The following HSPA13 variants were observed in gnomAD, a reference collection of about 807,000 sequenced individuals.
HSPA13 encodes heat shock 70 kDa protein 13.
In HSPA13, 29 loss-of-function variants were observed where a neutral mutation model predicts 38.8. The ratio of observed to expected loss-of-function variants is 0.75; its 90% CI spans 0.56 to 1.02. HSPA13 has a LOEUF of 1.02. Ranked by LOEUF, HSPA13 falls within the 50% of genes least tolerant of loss-of-function variation. The pLI is 0.00. For missense variants in HSPA13, 451 were observed against 560.9 expected, an observed-to-expected ratio of 0.80 and a Z score of 1.98; for synonymous variants, 192 against 205.3, an observed-to-expected ratio of 0.94 and a Z score of 0.56.
At chr21:14,382,262 T>G (rs570787690) in intron 1 of HSPA13, among the ~76,000 whole-genome samples, 12 of 152,276 alleles carry the variant, frequency 7.9e-5, no homozygotes, top group Admixed American at 7.8e-4. Flanking sequence ...AAGACAAGTT[T>G]CGTTCACTGT....
chr21:14,374,184 C>T lies in HSPA13; in HGVS notation c.849G>A (p.Glu283=), dbSNP rs1982896567. The change falls in exon 5 of 5, where the codon GAG becomes GAA. Residue 283 remains glutamate (E), a synonymous_variant. Coordinates refer to ENST00000285667, the MANE Select transcript of HSPA13 (RefSeq NM_006948.5). Reference sequence around the variant, plus strand: ...CAGCTTGTCTCAATCTGTGGATTTCCTCTTTCCTAGAGGGCACGAAGCCAT... The same window carrying T: ...CAGCTTGTCTCAATCTGTGGATTTCTTCTTTCCTAGAGGGCACGAAGCCAT... ...QTYGFVPSRK[E]EIHRLRQAVE... The T allele has an allele frequency of 6.2e-7, 1 of 1,613,688 alleles. No homozygotes were observed. The highest frequency in any genetic ancestry group is 8.5e-7 in the Non-Finnish European group (1 of 1,180,004).
At chr21:14,374,514 G>A (rs1285546802) in intron 4 of HSPA13, among the ~76,000 whole-genome samples, 1 of 152,172 alleles carries the variant, frequency 6.6e-6, no homozygotes, top group Non-Finnish European at 1.5e-5. Context: ...AGGGTTGCTT[G>A]AGGCCAGGAG....
chr21:14,381,261 A>G lies in HSPA13; in HGVS notation c.308T>C (p.Ile103Thr). The G allele has an allele frequency of 6.2e-7, 1 of 1,612,652 alleles. No homozygotes were observed. Among genetic ancestry groups the G allele is most frequent in the South Asian group, 1.1e-5 (1 of 91,058 alleles). ...QNTIYDAKRF[I>T]GKIFTAEELE... ...CTCTTCTGCGGTAAAAATCTTGCCT[A>G]TGAATCTTTTGGCATCATATATTGT... is the stretch of plus-strand genomic sequence containing the variant. The change falls in exon 2 of 5, where the codon ATA becomes ACA. Residue 103 changes from isoleucine to threonine, a missense_variant. Transcript: ENST00000285667.
intron 2 of HSPA13, among the ~76,000 whole-genome samples, chr21:14,379,224 T>C (rs780739430): frequency 6.6e-6 from 1 of 152,162 alleles, no homozygotes; most frequent in African/African-American, 2.4e-5. Context: ...CATGAAAACA[T>C]GTATTGTGCA....
intron 4 of HSPA13, 148 bp downstream of exon 4, chr21:14,375,504 T>TTTTG: frequency 2.2e-6 from 1 of 456,126 alleles, no homozygotes; most frequent in Non-Finnish European, 3.8e-6. Flanking sequence ...TTTTTTTTTT[T>TTTTG]TTTTTTTTTA....
chr21:14,379,445 G>A (rs1280102180), intron 2 of HSPA13, among the ~76,000 whole-genome samples: 2 of 152,042 alleles, frequency 1.3e-5, no homozygotes, highest in African/African-American at 4.8e-5. Context: ...ACTAGTCTGG[G>A]GAAAACATAA....
intron 3 of HSPA13, among the ~76,000 whole-genome samples, chr21:14,376,516 G>A (rs1984031913): frequency 1.3e-5 from 2 of 152,212 alleles, no homozygotes. Context: ...AGGTTTCTTT[G>A]AATGAAATTC....
At chr21:14,377,407 A>C (rs537845770) in intron 3 of HSPA13, among the ~76,000 whole-genome samples, 1 of 152,278 alleles carries the variant, frequency 6.6e-6, no homozygotes, top group East Asian at 1.9e-4. Context: ...ACATGTGTCC[A>C]TTTTCTCTTT....
chr21:14,375,800 T>C lies in HSPA13; in HGVS notation c.600A>G (p.Val200=), dbSNP rs1984006384. The change falls in exon 4 of 5, where the codon GTA becomes GTG. Residue 200 remains valine, a synonymous_variant. Transcript: ENST00000285667. ...ANLAGLKILR[V]INEPTAAAMA... ...TAGCTGCTGCTGTGGGTTCATTTAT[T>C]ACCCTCAAAATCTTCAGTCCTGTAA... is the stretch of plus-strand genomic sequence containing the variant. The C allele has an allele frequency of 6.2e-7, 1 of 1,613,876 alleles. No individual in the cohort carries two copies.
chr21:14,374,021 C>T lies in HSPA13; in HGVS notation c.1012G>A (p.Asp338Asn). 6.2e-7 allele frequency: 1 copy of T among 1,614,216 alleles called. No individual in the cohort carries two copies. The highest frequency in any genetic ancestry group is 1.7e-5 in the Admixed American group (1 of 60,024). The change falls in exon 5 of 5, where the codon GAC (aspartate) becomes AAC (asparagine). Residue 338 changes from aspartate (D) to asparagine (N), a missense_variant. Physicochemically the swap from Asp to Asn is conservative, Grantham distance 23. Coordinates refer to ENST00000285667, the MANE Select transcript of HSPA13 (RefSeq NM_006948.5). The stretch of plus-strand genomic sequence containing the variant: ...CCAAACCCACTGTTCACGCGATGGT[C>T]ATCTGCTGAGGAAAGTTTGTCTTTT... ...LPKDKLSSAD[D>N]HRVNSGFGRG... is the part of the protein sequence containing the mutation.
intron 4 of HSPA13, among the ~76,000 whole-genome samples, chr21:14,374,594 A>G (rs909931620): frequency 2.6e-5 from 4 of 152,194 alleles, no homozygotes; most frequent in African/African-American, 9.6e-5. Flanking sequence ...AAAAATTTAA[A>G]AAATAATGAC....
In HSPA13 at chr21:14,373,536, T is replaced by C; in HGVS notation, c.*81A>G. 8.0e-7 allele frequency: 1 copy of C among 1,243,736 alleles called. No individual in the cohort carries two copies. Among genetic ancestry groups the C allele is most frequent in the South Asian group, 1.5e-5 (1 of 67,796 alleles). 77.0% of individuals were successfully genotyped at this position (1,243,736 alleles called of 1,614,324 possible). A position where few individuals can be genotyped will look rare whatever the true frequency, so the allele number is the denominator to read the frequency against. ...GGTAAATCTGTGATATTTTAGAGAC[T>C]TTCTTTTGTGGAAAAGGTAATCTGA... On this transcript the variant is annotated 3_prime_UTR_variant, in exon 5 of 5. Coordinates refer to ENST00000285667, the MANE Select transcript of HSPA13 (RefSeq NM_006948.5).
intron 3 of HSPA13, among the ~76,000 whole-genome samples, chr21:14,377,966 C>G (rs1452329712): frequency 6.6e-6 from 1 of 152,236 alleles, no homozygotes; most frequent in African/African-American, 2.4e-5. Flanking sequence ...AGCCAGCCTA[C>G]TGTGGGACTT....
chr21:14,381,664 A>T, intron 1 of HSPA13, 121 bp from the exon 2 acceptor site: 1 of 821,086 alleles, frequency 1.2e-6, no homozygotes. Flanking sequence ...AAATTTCAAA[A>T]TTTTTTATAG....
intron 1 of HSPA13, among the ~76,000 whole-genome samples, chr21:14,382,831 C>A (rs780454419): frequency 1.3e-5 from 2 of 152,124 alleles, no homozygotes; most frequent in Non-Finnish European, 1.5e-5. Context: ...TTGAAAGGAA[C>A]GCCTCCCTAA....
At chr21:14,378,683 G>C (rs1984092491) in intron 2 of HSPA13, among the ~76,000 whole-genome samples, 1 of 151,176 alleles carries the variant, frequency 6.6e-6, no homozygotes, top group South Asian at 2.1e-4. Flanking sequence ...GCGGTGGCAT[G>C]ATCTCGGCTC....
intron 2 of HSPA13, among the ~76,000 whole-genome samples, chr21:14,379,647 T>TTTAC (rs1391091852): frequency 2.6e-5 from 4 of 152,092 alleles, no homozygotes; most frequent in Non-Finnish European, 5.9e-5. Flanking sequence ...TCATTAAAGA[T>TTTAC]TGTAAGTCAG....
chr21:14,375,515 G>A (rs1458285323), intron 4 of HSPA13, 137 bp downstream of exon 4: 7 of 135,684 alleles, frequency 5.2e-5, no homozygotes, highest in African/African-American at 8.3e-5. Flanking sequence ...TTTTTTTTTA[G>A]TAGAGACAGG....
At chr21:14,375,307 C>T (rs1355162115) in intron 4 of HSPA13, among the ~76,000 whole-genome samples, 1 of 151,972 alleles carries the variant, frequency 6.6e-6, no homozygotes, top group African/African-American at 2.4e-5. Flanking sequence ...TTATAGGATG[C>T]CCAGCATTTT....
Sources: allele counts gnomAD v4.1 joint callset (sites outside exome capture counted in the v4.1 genomes callset), GRCh38; gene constraint gnomAD v4.1.1; transcripts MANE v1.5; gene names NCBI Gene and HGNC (gene_info 2026-07-23, HGNC 2026-07-21).